OPCML: variants seen among roughly 807,000 people sequenced by gnomAD.
The protein encoded by OPCML is opioid binding protein/cell adhesion molecule like.
In OPCML, 13 loss-of-function variants were observed where a neutral mutation model predicts 37.8. The observed-to-expected ratio is 0.34, with a 90% CI of 0.22 to 0.55. The LOEUF is 0.55. Among genes scored for constraint, OPCML ranks in the 20% least tolerant of loss-of-function variants. The probability of loss-of-function intolerance (pLI) is 0.91; values close to 1 mark genes in which losing one functional copy is unlikely to be tolerated. For missense variants in OPCML, 341 were observed against 435.6 expected (o/e 0.78, Z 1.93); for synonymous variants, 176 against 168.8 (o/e 1.04, Z -0.33).
At chr11:133,137,124 T>C (rs1949704314) in intron 1 of OPCML, among the ~76,000 whole-genome samples, 1 of 152,122 alleles carries the variant, frequency 6.6e-6, no homozygotes, top group African/African-American at 2.4e-5. Context: ...TGGGTACTTG[T>C]GGAAAGGTTC....
intron 2 of OPCML, among the ~76,000 whole-genome samples, chr11:132,796,322 A>T (rs771942948): frequency 1.4e-4 from 22 of 152,168 alleles, no homozygotes; most frequent in Non-Finnish European, 2.1e-4. Flanking sequence ...TCCACTTTTG[A>T]CTATGATAAC....
chr11:132,681,871 C>T (rs1431459168), intron 2 of OPCML, among the ~76,000 whole-genome samples: 3 of 151,886 alleles, frequency 2.0e-5, no homozygotes, highest in Non-Finnish European at 2.9e-5. Context: ...AGGAGAATGG[C>T]GTGAACCCGG....
chr11:132,529,283 A>G, intron 3 of OPCML, 97 bp from the exon 4 acceptor site: 3 of 1,422,446 alleles, frequency 2.1e-6, no homozygotes, highest in Non-Finnish European at 9.4e-7. Context: ...TGTTTTTATA[A>G]TAAATATTGT....
intron 1 of OPCML, among the ~76,000 whole-genome samples, chr11:133,224,383 C>T (rs1002695135): frequency 1.3e-5 from 2 of 152,200 alleles, no homozygotes; most frequent in African/African-American, 4.8e-5. Flanking sequence ...ACTGCAGCTC[C>T]GTGCCCGAAA....
intron 1 of OPCML, among the ~76,000 whole-genome samples, chr11:133,332,272 A>G (rs1233898624): frequency 1.3e-5 from 2 of 152,102 alleles, no homozygotes; most frequent in African/African-American, 2.4e-5. Context: ...ATTTTTGCAC[A>G]TTGATTTTGT....
chr11:133,118,353 G>A lies in OPCML; in HGVS notation c.62-175343C>T, dbSNP rs148261833. 4.7e-4 allele frequency: 466 copies of A among 985,322 alleles called. 3 individuals carry two copies. The East Asian group carries it at 0.022, about 46-fold the overall frequency. 61.0% of individuals were successfully genotyped at this position (985,322 alleles called of 1,614,324 possible). A position where few individuals can be genotyped will look rare whatever the true frequency, so the allele number is the denominator to read the frequency against. ...GCCCAGGCTGGTGCAAGGACATGCC[G>A]GTTGTTTAACGGTGAGAGTTATAAA... On this transcript the variant is annotated intron_variant, in intron 1 of 7. Coordinates refer to ENST00000524381, the MANE Select transcript of OPCML (RefSeq NM_001012393.5).
In OPCML at chr11:132,864,892, G is replaced by A. The variant is rs925261362; in HGVS notation, c.146+78034C>T. On this transcript the variant is annotated intron_variant, in intron 2 of 7. Coordinates refer to ENST00000524381, the MANE Select transcript of OPCML (RefSeq NM_001012393.5). ...ATTACTCAGCATCTACCCTGGGCCA[G>A]GCACTATGCTGAGAGCCGGAAATGC... is the stretch of plus-strand genomic sequence containing the variant. Among the ~76,000 whole-genome samples the A allele has an allele frequency of 2.0e-5, 3 of 152,220 alleles. No homozygotes were observed. In the South Asian group the frequency reaches 6.2e-4, roughly 32 times the overall value.
At chr11:132,602,482 A>G (rs190436391) in intron 3 of OPCML, among the ~76,000 whole-genome samples, 161 of 152,296 alleles carry the variant, frequency 1.1e-3, no homozygotes, top group African/African-American at 3.7e-3. Context: ...TACAGTTACA[A>G]AAAAATTCTG....
chr11:133,287,279 T>TTTC (rs1555131104), intron 1 of OPCML, among the ~76,000 whole-genome samples: 141 of 72,636 alleles, frequency 1.9e-3, no homozygotes, highest in African/African-American at 7.7e-3. Context: ...TTCTTTCTTT[T>TTTC]TTTTTTTTTT....
chr11:133,016,282 C>A (rs986380495), intron 1 of OPCML, among the ~76,000 whole-genome samples: 10 of 152,170 alleles, frequency 6.6e-5, no homozygotes, highest in African/African-American at 1.7e-4. Context: ...GGGGCCCCTG[C>A]AGAAGATCTG....
chr11:132,882,367 A>T (rs1306287728), intron 2 of OPCML, among the ~76,000 whole-genome samples: 1 of 152,214 alleles, frequency 6.6e-6, no homozygotes, highest in Non-Finnish European at 1.5e-5. Context: ...CTGGGAATAA[A>T]CAGGTTTGTA....
At chr11:132,480,591 A>C (rs946392631) in intron 4 of OPCML, among the ~76,000 whole-genome samples, 1 of 152,202 alleles carries the variant, frequency 6.6e-6, no homozygotes, top group African/African-American at 2.4e-5. Flanking sequence ...GTTGAAATGG[A>C]GGAAAAAATG....
At chr11:132,928,916 GA>G (rs896139048) in intron 2 of OPCML, among the ~76,000 whole-genome samples, 1 of 151,214 alleles carries the variant, frequency 6.6e-6, no homozygotes, top group Admixed American at 6.6e-5. Flanking sequence ...AAATGAAAAT[GA>G]AGACACAACA....
intron 1 of OPCML, among the ~76,000 whole-genome samples, chr11:133,017,182 T>C (rs1947349807): frequency 6.6e-6 from 1 of 152,152 alleles, no homozygotes; most frequent in Admixed American, 6.5e-5. Context: ...TTTCTGCCTC[T>C]TCTTTTATAA....
chr11:132,835,236 T>C (rs575441604), intron 2 of OPCML, among the ~76,000 whole-genome samples: 12 of 152,288 alleles, frequency 7.9e-5, no homozygotes, highest in African/African-American at 2.9e-4. Context: ...GCCTTTCTCC[T>C]GGGCACATCC....
intron 1 of OPCML, among the ~76,000 whole-genome samples, chr11:133,434,722 G>A (rs1458342108): frequency 6.7e-6 from 1 of 149,000 alleles, no homozygotes; most frequent in Non-Finnish European, 1.5e-5. Context: ...TCTACTGTTG[G>A]TAATATAAAT....
At chr11:132,479,353 A>G (rs1290395525) in intron 4 of OPCML, among the ~76,000 whole-genome samples, 5 of 152,320 alleles carry the variant, frequency 3.3e-5, no homozygotes, top group South Asian at 2.1e-4. Context: ...ATTATATCCC[A>G]CACGTGGCTC....
intron 2 of OPCML, among the ~76,000 whole-genome samples, chr11:132,817,827 C>T (rs866563695): frequency 7.9e-5 from 12 of 151,234 alleles, no homozygotes; most frequent in Non-Finnish European, 1.6e-4. Context: ...CTTATGGCTA[C>T]GGAAGTCTAT....
At chr11:133,456,384 C>A (rs1169879504) in intron 1 of OPCML, among the ~76,000 whole-genome samples, 11 of 152,050 alleles carry the variant, frequency 7.2e-5, no homozygotes, top group Admixed American at 2.6e-4. Flanking sequence ...GAAAGGCCCC[C>A]TGATTAGTGA....
Sources: gnomAD v4.1 joint callset for allele counts (sites outside exome capture counted in the v4.1 genomes callset) on GRCh38, gnomAD v4.1.1 for gene constraint, MANE v1.5 for transcripts, NCBI Gene and HGNC (gene_info 2026-07-23, HGNC 2026-07-21) for gene names.